The following CRACR2A variants were observed in gnomAD, a reference collection of about 807,000 sequenced individuals.
CRACR2A encodes EF-hand calcium-binding domain-containing protein 4B.
In CRACR2A, 79 loss-of-function variants were observed where a neutral mutation model predicts 90.5. That is an observed-to-expected ratio of 0.87 (90% CI 0.73 to 1.05). The LOEUF (loss-of-function observed/expected upper bound fraction) is 1.05. Among genes scored for constraint, CRACR2A ranks in the 50% least tolerant of loss-of-function variants. The probability of loss-of-function intolerance (pLI) is 0.00; values close to 1 mark genes in which losing one functional copy is unlikely to be tolerated. For missense variants in CRACR2A, 823 were observed against 897.2 expected (o/e 0.92, Z 1.06); for synonymous variants, 338 against 356.7 (o/e 0.95, Z 0.59).
In CRACR2A at chr12:3,679,035, C is replaced by T. The variant is rs781207239; in HGVS notation, c.404G>A (p.Arg135His). The T allele has an allele frequency of 1.6e-5, 26 of 1,613,904 alleles. No homozygotes were observed. Among genetic ancestry groups the T allele is most frequent in the East Asian group, 2.2e-5 (1 of 44,846 alleles). Reference protein sequence around the residue: ...QEDAGEQVAQRHEEKVYLSRG... With the variant: ...QEDAGEQVAQHHEEKVYLSRG... ...GGACAGATACACCTTCTCTTCATGG[C>T]GCTGGGCCACCTGTTCACCTGCATC... The change falls in exon 6 of 20, where the codon CGC (arginine) becomes CAC (histidine). Residue 135 changes from arginine to histidine, a missense_variant. Coordinates refer to ENST00000440314, the MANE Select transcript of CRACR2A (RefSeq NM_001144958.2).
At chr12:3,694,108 C>G (rs2137687552) in intron 4 of CRACR2A, among the ~76,000 whole-genome samples, 1 of 152,278 alleles carries the variant, frequency 6.6e-6, no homozygotes, top group South Asian at 2.1e-4. Flanking sequence ...CCCCTTTCAG[C>G]CCAGATTCTG....
At chr12:3,642,644 G>A (rs1054019087) in intron 12 of CRACR2A, among the ~76,000 whole-genome samples, 4 of 152,212 alleles carry the variant, frequency 2.6e-5, no homozygotes, top group African/African-American at 7.2e-5. Context: ...AACTAGCCAG[G>A]AGGATCAATT....
chr12:3,713,208 A>C, intron 3 of CRACR2A, 29 bp downstream of exon 3: 1 of 981,740 alleles, frequency 1.0e-6, no homozygotes, highest in Non-Finnish European at 1.2e-6. Flanking sequence ...AGTACTCTGC[A>C]ACCTGTCGCC....
intron 17 of CRACR2A, among the ~76,000 whole-genome samples, chr12:3,620,956 G>A (rs151039570): frequency 7.9e-5 from 12 of 152,312 alleles, no homozygotes; most frequent in African/African-American, 1.9e-4. Context: ...TAGCTAGAGC[G>A]TTCACTAATG....
intron 7 of CRACR2A, among the ~76,000 whole-genome samples, chr12:3,667,550 C>G (rs1373639763): frequency 2.0e-5 from 3 of 152,164 alleles, no homozygotes; most frequent in African/African-American, 7.2e-5. Flanking sequence ...GAATGAAGAC[C>G]CTCAACTGCA....
At chr12:3,640,665 C>A in intron 13 of CRACR2A, 1 of 1,305,434 alleles carries the variant, frequency 7.7e-7, no homozygotes, top group Non-Finnish European at 1.0e-6. Context: ...AGCTGATTTA[C>A]ATCTCCAGAG....
At chr12:3,635,448 A>G (rs1422333099) in intron 14 of CRACR2A, among the ~76,000 whole-genome samples, 1 of 152,212 alleles carries the variant, frequency 6.6e-6, no homozygotes, top group African/African-American at 2.4e-5. Flanking sequence ...AAAAGTAGAG[A>G]GGAAATTAAT....
At chr12:3,697,138 G>A in intron 3 of CRACR2A, 103 bp from the exon 4 acceptor site, 27 of 1,370,448 alleles carry the variant, frequency 2.0e-5, no homozygotes, top group Non-Finnish European at 2.6e-5. Context: ...ATACACCAGT[G>A]TGTCCAGGAA....
chr12:3,656,252 G>A, intron 9 of CRACR2A, 59 bp downstream of exon 9: 2 of 1,535,392 alleles, frequency 1.3e-6, no homozygotes, highest in Non-Finnish European at 1.8e-6. Flanking sequence ...GTGGGCAAGA[G>A]GCAGAGAAAA....
chr12:3,719,946 C>G (rs1357872447), intron 2 of CRACR2A, among the ~76,000 whole-genome samples: 1 of 151,854 alleles, frequency 6.6e-6, no homozygotes, highest in Non-Finnish European at 1.5e-5. Flanking sequence ...GGTGAAACCC[C>G]ATCTCTACTA....
intron 1 of CRACR2A, among the ~76,000 whole-genome samples, chr12:3,735,942 T>C (rs1946443434): frequency 6.6e-6 from 1 of 152,086 alleles, no homozygotes; most frequent in Non-Finnish European, 1.5e-5. Context: ...GATGGCATGC[T>C]CAGAGGACCA....
At chr12:3,717,566 A>T (rs566210183) in intron 2 of CRACR2A, among the ~76,000 whole-genome samples, 10 of 152,314 alleles carry the variant, frequency 6.6e-5, no homozygotes, top group Non-Finnish European at 8.8e-5. Flanking sequence ...CGATAACAAC[A>T]GCAATAACCA....
At chr12:3,740,153 A>C (rs1220217684) in intron 1 of CRACR2A, among the ~76,000 whole-genome samples, 2 of 152,082 alleles carry the variant, frequency 1.3e-5, no homozygotes, top group Admixed American at 1.3e-4. Flanking sequence ...TGGAGATCAA[A>C]AATGATCCCT....
intron 4 of CRACR2A, among the ~76,000 whole-genome samples, chr12:3,692,924 C>T (rs988469950): frequency 5.9e-5 from 9 of 152,132 alleles, no homozygotes; most frequent in African/African-American, 2.2e-4. Flanking sequence ...GTTCTCTGTG[C>T]CTAGTTTCAC....
intron 17 of CRACR2A, among the ~76,000 whole-genome samples, chr12:3,625,186 C>T (rs137889029): frequency 5.8e-4 from 88 of 152,292 alleles, no homozygotes; most frequent in African/African-American, 2.1e-3. Context: ...CCATCTCAGC[C>T]AGGCTTCCCG....
At chr12:3,706,558 A>G (rs138977798) in intron 3 of CRACR2A, among the ~76,000 whole-genome samples, 1 of 152,244 alleles carries the variant, frequency 6.6e-6, no homozygotes, top group Non-Finnish European at 1.5e-5. Context: ...CATTTTCCTC[A>G]TCTGTAAAAT....
At chr12:3,622,148 ATGAAGCAACACC>A (rs1156665237) in intron 17 of CRACR2A, among the ~76,000 whole-genome samples, 13 of 152,210 alleles carry the variant, frequency 8.5e-5, no homozygotes, top group Admixed American at 8.5e-4. Context: ...TACCTCCTAG[ATGAAGCAACACC>A]TCCTTCAAGC....
intron 3 of CRACR2A, among the ~76,000 whole-genome samples, chr12:3,708,426 T>C (rs564134657): frequency 6.6e-6 from 1 of 152,316 alleles, no homozygotes; most frequent in South Asian, 2.1e-4. Context: ...TTTTCTTTTC[T>C]TTTCTTTTCT....
At chr12:3,717,269 C>G (rs1946095996) in intron 2 of CRACR2A, among the ~76,000 whole-genome samples, 1 of 152,142 alleles carries the variant, frequency 6.6e-6, no homozygotes, top group East Asian at 1.9e-4. Flanking sequence ...TGAGGCTGTA[C>G]CCCCTCCATC....
Sources: allele counts gnomAD v4.1 joint callset (sites outside exome capture counted in the v4.1 genomes callset), GRCh38; gene constraint gnomAD v4.1.1; transcripts MANE v1.5; gene names NCBI Gene and HGNC (gene_info 2026-07-23, HGNC 2026-07-21).